Variants in RASSF8 observed in about 807,000 individuals in gnomAD.
RASSF8 encodes the protein ras association domain-containing protein 8.
In RASSF8, 22 loss-of-function variants were observed where a neutral mutation model predicts 48.5. The ratio of observed to expected loss-of-function variants is 0.45; its 90% CI spans 0.32 to 0.65. The LOEUF is 0.65. Among genes scored for constraint, RASSF8 ranks in the 30% least tolerant of loss-of-function variants. The pLI is 0.03. For synonymous variants in RASSF8, 127 were observed against 171.5 expected (o/e 0.74, Z 2.03); for missense variants, 418 against 489.2 (o/e 0.85, Z 1.37).
chr12:26,009,223 T>C (rs1272407083), intron 2 of RASSF8, among the ~76,000 whole-genome samples: 1 of 152,238 alleles, frequency 6.6e-6, no homozygotes, highest in Non-Finnish European at 1.5e-5. Context: ...TAAATTTTAA[T>C]TCCACACTCA....
At chr12:26,040,891 G>GTT (rs113609672) in intron 2 of RASSF8, among the ~76,000 whole-genome samples, 10 of 141,918 alleles carry the variant, frequency 7.0e-5, no homozygotes, top group South Asian at 2.3e-4. Flanking sequence ...ATTATACATA[G>GTT]TTTTTTTTTT....
chr12:26,035,075 G>T (rs17362614), intron 2 of RASSF8, among the ~76,000 whole-genome samples: 2 of 151,902 alleles, frequency 1.3e-5, no homozygotes, highest in Non-Finnish European at 2.9e-5. Context: ...CAATACTACT[G>T]GTAAAAATTA....
At position 26,068,875 on chromosome 12, in the gene RASSF8, T is replaced by A. The variant is rs1168162321; in HGVS notation, c.*57T>A. 8 of 1,522,888 alleles carry A rather than the reference T, an allele frequency of 5.3e-6. No homozygotes were observed. In the East Asian group the frequency reaches 2.0e-4, roughly 38 times the overall value. The allele number at this position is 1,522,888 out of a possible 1,614,324, so 94.3% of individuals were successfully genotyped here. A position where few individuals can be genotyped will look rare whatever the true frequency, so the allele number is the denominator to read the frequency against. Reference sequence around the variant, plus strand: ...GAGGTACCAAGGACAGTAAACTTCCTTTTTGATTTGTGCCAATGATGAACA... The same window carrying A: ...GAGGTACCAAGGACAGTAAACTTCCATTTTGATTTGTGCCAATGATGAACA... On this transcript the variant is annotated 3_prime_UTR_variant, in exon 6 of 6. Coordinates refer to ENST00000689635, the MANE Select transcript of RASSF8 (RefSeq NM_001394098.1).
chr12:26,063,591 G>C (rs907066644), intron 3 of RASSF8, among the ~76,000 whole-genome samples: 1 of 152,080 alleles, frequency 6.6e-6, no homozygotes, highest in Non-Finnish European at 1.5e-5. Flanking sequence ...GTAGAGACAG[G>C]GTTCTGCCAT....
intron 2 of RASSF8, among the ~76,000 whole-genome samples, chr12:26,048,285 C>G (rs997192019): frequency 1.2e-4 from 18 of 152,320 alleles, no homozygotes; most frequent in Non-Finnish European, 2.4e-4. Context: ...CCTGACATCT[C>G]TAGGTATGAG....
chr12:25,983,098 G>A (rs980726778), intron 1 of RASSF8, among the ~76,000 whole-genome samples: 2 of 152,102 alleles, frequency 1.3e-5, no homozygotes, highest in African/African-American at 2.4e-5. Flanking sequence ...AGGCATCATC[G>A]ATAGAACCAG....
At position 26,069,808 on chromosome 12, in the gene RASSF8, G is replaced by A; in HGVS notation, c.*990G>A. The A allele has an allele frequency of 1.0e-6, 1 of 985,184 alleles. No individual in the cohort carries two copies. Among genetic ancestry groups the A allele is most frequent in the Non-Finnish European group, 1.2e-6 (1 of 829,716 alleles). 61.0% of individuals were successfully genotyped at this position (985,184 alleles called of 1,614,324 possible). ...ACACACCATGGGTAAGGTATTGCTT[G>A]CACATAATTTGCTCTGCATATTATG... On this transcript the variant is annotated 3_prime_UTR_variant, in exon 6 of 6. Coordinates refer to ENST00000689635, the MANE Select transcript of RASSF8 (RefSeq NM_001394098.1).
intron 2 of RASSF8, chr12:26,020,449 A>T (rs1458722803): frequency 2.6e-5 from 4 of 152,252 alleles, no homozygotes; most frequent in Non-Finnish European, 4.4e-5. Flanking sequence ...CTTTGTACTG[A>T]AACAAATGTA....
chr12:26,008,656 T>C (rs1942451412), intron 2 of RASSF8, among the ~76,000 whole-genome samples: 1 of 152,238 alleles, frequency 6.6e-6, no homozygotes, highest in South Asian at 2.1e-4. Context: ...ATAGTAATAT[T>C]TGTGTTCTCA....
chr12:26,014,975 G>A (rs541644949), intron 2 of RASSF8, among the ~76,000 whole-genome samples: 1 of 152,132 alleles, frequency 6.6e-6, no homozygotes, highest in South Asian at 2.1e-4. Context: ...GGAGGCCAAG[G>A]TGGGAGGATC....
At chr12:25,999,111 T>C (rs531971021) in intron 2 of RASSF8, among the ~76,000 whole-genome samples, 34 of 152,244 alleles carry the variant, frequency 2.2e-4, no homozygotes, top group South Asian at 2.1e-3. Flanking sequence ...AGCAGTATGG[T>C]AGGTGAGTCT....
intron 3 of RASSF8, among the ~76,000 whole-genome samples, chr12:26,057,918 A>C (rs932501162): frequency 1.3e-5 from 2 of 152,126 alleles, no homozygotes; most frequent in African/African-American, 4.8e-5. Flanking sequence ...TGGCTGCATA[A>C]ATGTCTTCTT....
chr12:26,076,945 A>C (rs1944078022), downstream of RASSF8, among the ~76,000 whole-genome samples: 1 of 152,164 alleles, frequency 6.6e-6, no homozygotes, highest in Non-Finnish European at 1.5e-5. Flanking sequence ...TGACTTTTTA[A>C]TGATTGCCAT....
intron 2 of RASSF8, among the ~76,000 whole-genome samples, chr12:26,010,436 A>AT (rs1431500396): frequency 7.2e-5 from 11 of 152,156 alleles, no homozygotes; most frequent in Non-Finnish European, 2.9e-5. Context: ...GGCATTGCCC[A>AT]GGGTCATGCA....
chr12:26,071,614 A>G lies in RASSF8; in HGVS notation c.*2796A>G, dbSNP rs1416782514. On this transcript the variant is annotated 3_prime_UTR_variant, in exon 6 of 6. Coordinates refer to ENST00000689635, the MANE Select transcript of RASSF8 (RefSeq NM_001394098.1). ...AGTCCCTTTCTTGTCCTTCTGAGAT[A>G]TTTTGGTTTGATAACATTTTGTTTT... 2 of 984,928 alleles carry G rather than the reference A, an allele frequency of 2.0e-6. No individual in the cohort carries two copies. The highest frequency in any genetic ancestry group is 3.5e-5 in the African/African-American group (2 of 57,140). 61.0% of individuals were successfully genotyped at this position (984,928 alleles called of 1,614,324 possible).
intron 2 of RASSF8, among the ~76,000 whole-genome samples, chr12:26,022,321 T>A (rs1942805454): frequency 6.6e-6 from 1 of 152,076 alleles, no homozygotes; most frequent in African/African-American, 2.4e-5. Flanking sequence ...GCAGGAGAAA[T>A]AGACTTCCCA....
At chr12:26,029,754 GA>G (rs1219971062) in intron 2 of RASSF8, among the ~76,000 whole-genome samples, 1 of 151,912 alleles carries the variant, frequency 6.6e-6, no homozygotes, top group African/African-American at 2.4e-5. Flanking sequence ...TATTATAACA[GA>G]AAAACAGTTT....
downstream of RASSF8, among the ~76,000 whole-genome samples, chr12:26,074,334 G>A (rs976802036): frequency 6.6e-6 from 1 of 152,018 alleles, no homozygotes; most frequent in Non-Finnish European, 1.5e-5. Flanking sequence ...GCATATATTT[G>A]TTCTCTACCT....
At chr12:25,991,701 A>G (rs914542402) in intron 1 of RASSF8, among the ~76,000 whole-genome samples, 2 of 152,186 alleles carry the variant, frequency 1.3e-5, no homozygotes, top group Non-Finnish European at 2.9e-5. Context: ...TATCAGGACA[A>G]GTGATCAGAG....
Sources: allele counts gnomAD v4.1 joint callset (sites outside exome capture counted in the v4.1 genomes callset), GRCh38; gene constraint gnomAD v4.1.1; transcripts MANE v1.5; gene names NCBI Gene and HGNC (gene_info 2026-07-23, HGNC 2026-07-21).